The following CPLX2 variants were observed in gnomAD, a reference collection of about 807,000 sequenced individuals.
CPLX2 encodes the protein complexin-2.
Under a neutral mutation model 16.3 loss-of-function variants are expected in CPLX2, and 5 were observed. That is an observed-to-expected ratio of 0.31 (90% confidence interval 0.16 to 0.64). The LOEUF (loss-of-function observed/expected upper bound fraction) is 0.64, where lower values mean the gene tolerates loss of function less well. Ranked by LOEUF, CPLX2 falls within the 30% of genes least tolerant of loss-of-function variation. The pLI is 0.79. For synonymous variants in CPLX2, 89 were observed against 73.2 expected, an observed-to-expected ratio of 1.22 and a Z score of -1.10; for missense variants, 144 against 181.4, an observed-to-expected ratio of 0.79 and a Z score of 1.18.
At chr5:175,835,334 G>C (rs78950391) in intron 2 of CPLX2, among the ~76,000 whole-genome samples, 2,923 of 152,224 alleles carry the variant, frequency 0.019, 88 homozygotes, top group African/African-American at 0.066. Context: ...GTAATTTATA[G>C]CATCAAAAAT....
rs572303854 is a variant in CPLX2, at chr5:175,880,522, G to C, written c.*477G>C. 5.2e-6 allele frequency: 1 copy of C among 192,578 alleles called. No individual in the cohort carries two copies. Among genetic ancestry groups the C allele is most frequent in the African/African-American group, 2.4e-5 (1 of 42,192 alleles). The allele number at this position is 192,578 out of a possible 1,614,324, so 11.9% of individuals were successfully genotyped here. On this transcript the variant is annotated 3_prime_UTR_variant, in exon 4 of 4. Coordinates refer to ENST00000393745, the MANE Select transcript of CPLX2 (RefSeq NM_001008220.2). ...AAGGGAGTCAGGGGAAGCCTGTCCC[G>C]GGAAGGCCCAGGCTGAGAGGCCCTG...
At position 175,882,203 on chromosome 5, in the gene CPLX2, G is replaced by A. The variant is rs748935379; in HGVS notation, c.*2158G>A. On this transcript the variant is annotated 3_prime_UTR_variant, in exon 4 of 4. Transcript: ENST00000393745. ...GTGCCTGTGTCTGTGATGGGGAGCC[G>A]CCTCGCACCCCTGTTGTCTGCTTGT... is the stretch of plus-strand genomic sequence containing the variant. The A allele has an allele frequency of 3.3e-5, 5 of 151,910 alleles. No individual in the cohort carries two copies. Among genetic ancestry groups the A allele is most frequent in the South Asian group, 2.1e-4 (1 of 4,774 alleles). 9.4% of individuals were successfully genotyped at this position (151,910 alleles called of 1,614,324 possible).
intron 2 of CPLX2, among the ~76,000 whole-genome samples, chr5:175,823,278 G>T (rs899671088): frequency 1.3e-5 from 2 of 152,116 alleles, no homozygotes; most frequent in Non-Finnish European, 2.9e-5. Context: ...GATGGATGGA[G>T]GGATGGATGG....
At chr5:175,815,672 T>C (rs766218499) in intron 2 of CPLX2, among the ~76,000 whole-genome samples, 7 of 152,180 alleles carry the variant, frequency 4.6e-5, no homozygotes, top group Non-Finnish European at 8.8e-5. Context: ...CTTCTACTCA[T>C]CCACTACAAC....
In CPLX2 at chr5:175,821,152, T is replaced by C. The variant is rs1758500844; in HGVS notation, c.-89+12084T>C. Among the ~76,000 whole-genome samples, 2 of 152,108 alleles carry C rather than the reference T, an allele frequency of 1.3e-5. 1 individual carries two copies. Among genetic ancestry groups the C allele is most frequent in the South Asian group, 4.1e-4 (2 of 4,824 alleles). On this transcript the variant is annotated intron_variant, in intron 2 of 4. Transcript: ENST00000359546. ...ATTTCTTCCTCCCAATCCTACTGGA[T>C]CCTGAGCAAACTGAGTCCTTTCCTG...
intron 2 of CPLX2, among the ~76,000 whole-genome samples, chr5:175,839,113 G>T (rs1758898154): frequency 6.6e-6 from 1 of 152,088 alleles, no homozygotes; most frequent in Non-Finnish European, 1.5e-5. Context: ...GCCCAGGCTG[G>T]CTTTGAACTC....
intron 2 of CPLX2, among the ~76,000 whole-genome samples, chr5:175,865,435 A>C (rs1229964773): frequency 6.6e-6 from 1 of 152,238 alleles, no homozygotes; most frequent in Non-Finnish European, 1.5e-5. Context: ...GCGACACCAT[A>C]GAGGCAGTCG....
chr5:175,868,556 G>A (rs866791798), upstream of CPLX2, among the ~76,000 whole-genome samples: 11 of 152,154 alleles, frequency 7.2e-5, no homozygotes, highest in African/African-American at 2.7e-4. Flanking sequence ...ACTCTTAGAA[G>A]CTGTCTACAG....
intron 2 of CPLX2, among the ~76,000 whole-genome samples, chr5:175,813,520 G>A (rs1240979318): frequency 6.6e-6 from 1 of 152,208 alleles, no homozygotes; most frequent in Non-Finnish European, 1.5e-5. Flanking sequence ...AAGCTTCCTG[G>A]GACAAAGTAG....
chr5:175,852,795 G>C (rs1759182823), intron 2 of CPLX2, among the ~76,000 whole-genome samples: 1 of 152,222 alleles, frequency 6.6e-6, no homozygotes, highest in South Asian at 2.1e-4. Context: ...CCCAGAGAAA[G>C]CAGGGCGGGC....
At chr5:175,876,110 T>C (rs547524274) in intron 1 of CPLX2, among the ~76,000 whole-genome samples, 1 of 152,296 alleles carries the variant, frequency 6.6e-6, no homozygotes, top group East Asian at 1.9e-4. Flanking sequence ...ATTTATTGCT[T>C]ATTTTCCTAC....
At chr5:175,814,533 C>T (rs778088873) in intron 2 of CPLX2, among the ~76,000 whole-genome samples, 4 of 152,186 alleles carry the variant, frequency 2.6e-5, no homozygotes, top group Non-Finnish European at 5.9e-5. Context: ...AGAGGCAGCC[C>T]GTGTCAGCCT....
chr5:175,845,585 A>T lies in CPLX2; in HGVS notation c.-88-33067A>T, dbSNP rs1759027672. Among the ~76,000 whole-genome samples, 1 of 152,128 alleles carries T rather than the reference A, an allele frequency of 6.6e-6. No homozygotes were observed. Among genetic ancestry groups the T allele is most frequent in the South Asian group, 2.1e-4 (1 of 4,828 alleles). ...ATTTTCTTCATATTTTCTTCAGAGC[A>T]TTGCCTGAAATTATCTTGTCTTTGC... On this transcript the variant is annotated intron_variant, in intron 2 of 4. Transcript: ENST00000359546. This position sits in a 1 kb window ranked among gnomAD's most constrained non-coding sequence, Gnocchi z 4.0.
chr5:175,860,789 A>G (rs897386366), intron 2 of CPLX2, among the ~76,000 whole-genome samples: 10 of 152,126 alleles, frequency 6.6e-5, no homozygotes, highest in African/African-American at 1.9e-4. Context: ...ATGCCCACCC[A>G]TGGCAGTAGG....
chr5:175,831,418 AT>A (rs1758734028), intron 2 of CPLX2, among the ~76,000 whole-genome samples: 1 of 152,068 alleles, frequency 6.6e-6, no homozygotes, highest in African/African-American at 2.4e-5. Flanking sequence ...CAGTCACCCC[AT>A]TCAGGCTCCA....
At chr5:175,865,160 T>A (rs1020597454) in intron 2 of CPLX2, among the ~76,000 whole-genome samples, 2 of 152,222 alleles carry the variant, frequency 1.3e-5, no homozygotes, top group South Asian at 4.1e-4. Context: ...TCTTTCTCTT[T>A]CTTTCATTTC....
chr5:175,844,628 T>C (rs1759007519), intron 2 of CPLX2, among the ~76,000 whole-genome samples: 1 of 152,144 alleles, frequency 6.6e-6, no homozygotes, highest in African/African-American at 2.4e-5. Context: ...CCACCAGCCA[T>C]ATGAAGAACA....
intron 1 of CPLX2, among the ~76,000 whole-genome samples, chr5:175,798,779 T>C (rs752924660): frequency 2.6e-5 from 4 of 152,130 alleles, no homozygotes; most frequent in Non-Finnish European, 5.9e-5. Flanking sequence ...CCAATTTTGT[T>C]TCATTTATAC....
chr5:175,800,940 A>C (rs948473338), intron 1 of CPLX2, among the ~76,000 whole-genome samples: 3 of 152,130 alleles, frequency 2.0e-5, no homozygotes, highest in Non-Finnish European at 4.4e-5. Flanking sequence ...GGGGCAGCAC[A>C]CTCCAGGCAG....
Sources: gnomAD v4.1 joint callset for allele counts (sites outside exome capture counted in the v4.1 genomes callset) on GRCh38, gnomAD v4.1.1 for gene constraint, Gnocchi (gnomAD v3.1) non-coding constraint, MANE v1.5 for transcripts, NCBI Gene and HGNC (gene_info 2026-07-23, HGNC 2026-07-21) for gene names.